Variants in TNS3 observed in about 807,000 individuals in gnomAD.
TNS3 encodes the protein tensin-3.
Under a neutral mutation model 140.9 loss-of-function variants are expected in TNS3, and 45 were observed. The ratio of observed to expected loss-of-function variants is 0.32; its 90% CI spans 0.25 to 0.41. The LOEUF is 0.41. TNS3 is among the 10% of genes least tolerant of loss of function. The pLI is 1.00. For missense variants in TNS3, 1,716 were observed against 1,906.7 expected, an observed-to-expected ratio of 0.90 and a Z score of 1.86; for synonymous variants, 815 against 788.4, an observed-to-expected ratio of 1.03 and a Z score of -0.56.
intron 16 of TNS3, among the ~76,000 whole-genome samples, chr7:47,375,990 A>C (rs559644387): frequency 2.6e-5 from 4 of 152,348 alleles, no homozygotes; most frequent in Non-Finnish European, 5.9e-5. Flanking sequence ...GGTGTGCTTA[A>C]AAAGTAACTT....
intron 3 of TNS3, among the ~76,000 whole-genome samples, chr7:47,494,343 C>A (rs1229787091): frequency 6.6e-6 from 1 of 151,828 alleles, no homozygotes; most frequent in Non-Finnish European, 1.5e-5. Context: ...TTCTAACCAA[C>A]CTCCTGAGGT....
At chr7:47,465,211 G>A (rs1562774405) in intron 4 of TNS3, among the ~76,000 whole-genome samples, 1 of 152,248 alleles carries the variant, frequency 6.6e-6, no homozygotes, top group Non-Finnish European at 1.5e-5. Context: ...TGGGTTTTCA[G>A]CGAAACATTT....
intron 4 of TNS3, among the ~76,000 whole-genome samples, chr7:47,474,830 C>T (rs564101177): frequency 1.6e-4 from 23 of 143,082 alleles, no homozygotes; most frequent in Middle Eastern, 4.0e-3. Flanking sequence ...ACAACACACA[C>T]GACAGACACA....
chr7:47,320,403 A>G (rs765335156), intron 20 of TNS3, among the ~76,000 whole-genome samples: 1 of 152,260 alleles, frequency 6.6e-6, no homozygotes, highest in Non-Finnish European at 1.5e-5. Flanking sequence ...GAATCCTGGT[A>G]TTCCACGAGT....
chr7:47,532,638 T>C (rs1584823270), intron 1 of TNS3, among the ~76,000 whole-genome samples: 1 of 152,140 alleles, frequency 6.6e-6, no homozygotes, highest in East Asian at 1.9e-4. Context: ...ATAAAGCTTA[T>C]CTTCATCTTC....
At position 47,454,025 on chromosome 7, in the gene TNS3, T is replaced by C. The variant is rs572849219; in HGVS notation, c.-75-11970A>G. Among the ~76,000 whole-genome samples the C allele has an allele frequency of 7.6e-4, 116 of 152,382 alleles. 1 individual carries two copies. Among genetic ancestry groups the C allele is most frequent in the African/African-American group, 2.7e-3 (111 of 41,598 alleles). ...ACTTACATTCTTTTATTTTTATCAC[T>C]TATTTCATAACGAAAACATTTCTTC... On this transcript the variant is annotated intron_variant, in intron 4 of 30. Coordinates refer to ENST00000311160, the MANE Select transcript of TNS3 (RefSeq NM_022748.12).
chr7:47,304,955 T>C lies in TNS3; in HGVS notation c.2699A>G (p.Glu900Gly). 7.0e-7 allele frequency: 1 copy of C among 1,422,264 alleles called. No homozygotes were observed. Among genetic ancestry groups the C allele is most frequent in the South Asian group, 1.6e-5 (1 of 60,614 alleles). The allele number at this position is 1,422,264 out of a possible 1,614,324, so 88.1% of individuals were successfully genotyped here. Reference sequence around the variant, plus strand: ...CGTGGATTTGGGTCCGATGGGGCTCTCTGACATCCCCACAGCGTGAGTGAG... The same window carrying C: ...CGTGGATTTGGGTCCGATGGGGCTCCCTGACATCCCCACAGCGTGAGTGAG... Reference protein sequence around the residue: ...ETLTHAVGMSESPIGPKSTML... With the variant: ...ETLTHAVGMSGSPIGPKSTML... Residue 900 changes from glutamate (E) to glycine (G), a missense_variant, in exon 21 of 31, where the codon GAG becomes GGG. Glu to Gly is a moderately conservative substitution (Grantham distance 98). This residue lies in a region of TNS3 where 1,163 missense variants were observed against 1,182.1 expected (regional missense o/e 0.98). Coordinates refer to ENST00000311160, the MANE Select transcript of TNS3 (RefSeq NM_022748.12).
rs534657139 is a variant in TNS3 at position 47,303,099 on chromosome 7, C to T, written c.3308G>A (p.Arg1103Gln). Residue 1103 changes from arginine to glutamine, a missense_variant, in exon 22 of 31, where the codon CGG (arginine) becomes CAG (glutamine). Arg to Gln is a conservative substitution (Grantham distance 43). Around this residue, in one of 3 missense-constraint regions of TNS3, gnomAD observed 1,163 missense variants for 1,182.1 expected, o/e 0.98. Transcript: ENST00000311160. The stretch of plus-strand genomic sequence containing the variant: ...CAAAGAACGATCCCCCTCCGAGGCC[C>T]GCTTCTTCTCAGGGAGGGGTGGCTG... Reference protein sequence around the residue: ...PGQPPLPEKKRASEGDRSLGS... With the variant: ...PGQPPLPEKKQASEGDRSLGS... 6 of 1,614,100 alleles carry T rather than the reference C, an allele frequency of 3.7e-6. No individual in the cohort carries two copies. Among genetic ancestry groups the T allele is most frequent in the East Asian group, 2.2e-5 (1 of 44,882 alleles).
chr7:47,275,499 AGCGGGAGCCC>A lies in TNS3; in HGVS notation c.*2567_*2576del, dbSNP rs375236557. ...TCCCCAGGGCAGTACGTGCCTGTCC[AGCGGGAGCCC>A]TGGAGACAAAATGCCTGGAAACGTT... On this transcript the variant is annotated 3_prime_UTR_variant, in exon 31 of 31. Transcript: ENST00000311160. The A allele has an allele frequency of 5.2e-3, 1,611 of 312,042 alleles. 7 individuals carry two copies. Among genetic ancestry groups the A allele is most frequent in the Middle Eastern group, 0.014 (12 of 872 alleles). The allele number at this position is 312,042 out of a possible 1,614,324, so 19.3% of individuals were successfully genotyped here. A position where few individuals can be genotyped will look rare whatever the true frequency, so the allele number is the denominator to read the frequency against.
chr7:47,329,163 T>A (rs1337449402), intron 20 of TNS3, among the ~76,000 whole-genome samples: 1 of 152,148 alleles, frequency 6.6e-6, no homozygotes, highest in Non-Finnish European at 1.5e-5. Flanking sequence ...GTCATGTGTC[T>A]GGGCCTTAGA....
chr7:47,506,944 G>C lies in TNS3; in HGVS notation c.-152C>G. The C allele has an allele frequency of 7.8e-7, 1 of 1,285,424 alleles. No homozygotes were observed. The allele number at this position is 1,285,424 out of a possible 1,614,324, so 79.6% of individuals were successfully genotyped here. A position where few individuals can be genotyped will look rare whatever the true frequency, so the allele number is the denominator to read the frequency against. On this transcript the variant is annotated splice_region_variant and 5_prime_UTR_variant, in exon 3 of 31. Coordinates refer to ENST00000311160, the MANE Select transcript of TNS3 (RefSeq NM_022748.12). ...TTTCTTGTGGCAGGAATACTTGCAG[G>C]CTGGGAAAAAAAAAAAGAGAAAGAA...
intron 2 of TNS3, among the ~76,000 whole-genome samples, chr7:47,520,831 G>A (rs911427471): frequency 3.9e-5 from 6 of 152,206 alleles, no homozygotes; most frequent in African/African-American, 7.2e-5. Flanking sequence ...CAGTTCCCCG[G>A]TAGAAGTCAA....
intron 16 of TNS3, among the ~76,000 whole-genome samples, chr7:47,374,071 A>G (rs567906250): frequency 3.3e-5 from 5 of 152,206 alleles, no homozygotes; most frequent in African/African-American, 4.8e-5. Context: ...CTGGTCTCCA[A>G]CTGATAATGA....
At chr7:47,535,540 G>A (rs999095712) in intron 1 of TNS3, among the ~76,000 whole-genome samples, 4 of 152,378 alleles carry the variant, frequency 2.6e-5, no homozygotes, top group Non-Finnish European at 5.9e-5. Flanking sequence ...TTCTCCCAAA[G>A]GGGGAGAGGA....
At chr7:47,351,994 T>G (rs1789703351) in intron 17 of TNS3, among the ~76,000 whole-genome samples, 1 of 152,034 alleles carries the variant, frequency 6.6e-6, no homozygotes, top group African/African-American at 2.4e-5. Context: ...GTATGAACAC[T>G]CACTCTCACG....
intron 20 of TNS3, among the ~76,000 whole-genome samples, chr7:47,312,162 T>C (rs1772144262): frequency 6.6e-6 from 1 of 152,228 alleles, no homozygotes; most frequent in South Asian, 2.1e-4. Flanking sequence ...TTTTCTGCTA[T>C]GACTGACCTG....
At chr7:47,297,940 C>A (rs1235188702) in intron 23 of TNS3, among the ~76,000 whole-genome samples, 1 of 151,916 alleles carries the variant, frequency 6.6e-6, no homozygotes, top group Non-Finnish European at 1.5e-5. Context: ...GCACCTGCCA[C>A]CACGTCTGGC....
chr7:47,501,129 AAGGG>A (rs1455593755), intron 3 of TNS3, among the ~76,000 whole-genome samples: 1 of 139,636 alleles, frequency 7.2e-6, no homozygotes, highest in Non-Finnish European at 1.5e-5. Context: ...GAAGAGGAGA[AAGGG>A]AGGAAGAGAG....
At chr7:47,509,878 C>T (rs1798547465) in intron 2 of TNS3, among the ~76,000 whole-genome samples, 1 of 152,142 alleles carries the variant, frequency 6.6e-6, no homozygotes, top group African/African-American at 2.4e-5. Context: ...ATGATGATCT[C>T]CCTGTGTCCA....
Sources: gnomAD v4.1 joint callset for allele counts (sites outside exome capture counted in the v4.1 genomes callset) on GRCh38, gnomAD v4.1.1 for gene constraint, gnomAD v4.1.1 regional missense constraint, MANE v1.5 for transcripts, NCBI Gene and HGNC (gene_info 2026-07-23, HGNC 2026-07-21) for gene names.